PDE10A: variants seen among roughly 807,000 people sequenced by gnomAD.
PDE10A encodes phosphodiesterase 10A.
Under a neutral mutation model 97.7 loss-of-function variants are expected in PDE10A, and 39 were observed. The observed-to-expected ratio is 0.40, with a 90% CI of 0.31 to 0.52. The LOEUF is 0.52. PDE10A is among the 20% of genes least tolerant of loss of function. The probability of loss-of-function intolerance (pLI) is 0.56; values close to 1 mark genes in which losing one functional copy is unlikely to be tolerated. For missense variants in PDE10A, 731 were observed against 1,047.8 expected, an observed-to-expected ratio of 0.70 and a Z score of 4.17; for synonymous variants, 371 against 376.8, an observed-to-expected ratio of 0.98 and a Z score of 0.18.
chr6:165,404,292 T>C (rs1308544088), intron 13 of PDE10A, among the ~76,000 whole-genome samples: 1 of 152,092 alleles, frequency 6.6e-6, no homozygotes, highest in African/African-American at 2.4e-5. Flanking sequence ...GGGTGTGGCT[T>C]GAGGCTCCCG....
At chr6:165,641,412 A>G (rs1452005316) in intron 1 of PDE10A, among the ~76,000 whole-genome samples, 3 of 152,228 alleles carry the variant, frequency 2.0e-5, no homozygotes, top group East Asian at 1.9e-4. Flanking sequence ...GCACAACACT[A>G]TATCTAAGAA....
intron 5 of PDE10A, among the ~76,000 whole-genome samples, chr6:165,440,488 T>C (rs765399821): frequency 6.6e-6 from 1 of 152,200 alleles, no homozygotes; most frequent in Non-Finnish European, 1.5e-5. Flanking sequence ...AAAGACGTGT[T>C]GTATTACGGT....
chr6:165,555,757 T>TCAAAGATAC lies in PDE10A; in HGVS notation c.866-12198_866-12190dup, dbSNP rs1456630358. Among the ~76,000 whole-genome samples the TCAAAGATAC allele has an allele frequency of 3.9e-5, 6 of 152,118 alleles. No individual in the cohort carries two copies. The South Asian group carries it at 8.3e-4, about 21-fold the overall frequency. ...TGGAAGGTGTACCCACAAACTAACCTCAAAGATACCAAGACAGTCTAATGT... is the reference window on the plus strand; with the variant it reads ...TGGAAGGTGTACCCACAAACTAACCTCAAAGATACCAAAGATACCAAGACAGTCTAATGT... On this transcript the variant is annotated intron_variant, in intron 1 of 21. Coordinates refer to ENST00000539869, the MANE Select transcript of PDE10A (RefSeq NM_001385079.1).
intron 1 of PDE10A, among the ~76,000 whole-genome samples, chr6:165,764,495 C>CTCGCAGTG (rs1554318240): frequency 6.6e-6 from 1 of 151,292 alleles, no homozygotes; most frequent in African/African-American, 2.4e-5. Context: ...TGGACCCTCG[C>CTCGCAGTG]AGTGTTACAG....
chr6:165,504,277 C>T (rs1022192740), intron 2 of PDE10A, among the ~76,000 whole-genome samples: 52 of 152,176 alleles, frequency 3.4e-4, no homozygotes, highest in African/African-American at 1.2e-3. Context: ...TAGAGCTCAG[C>T]ATTATGATCT....
intron 1 of PDE10A, among the ~76,000 whole-genome samples, chr6:165,581,520 C>T (rs1038176809): frequency 5.3e-5 from 8 of 152,204 alleles, no homozygotes; most frequent in Non-Finnish European, 1.0e-4. Context: ...ACTGCATCAG[C>T]CAGCACCATG....
At chr6:165,730,626 G>A (rs1583005624) in intron 1 of PDE10A, among the ~76,000 whole-genome samples, 2 of 151,870 alleles carry the variant, frequency 1.3e-5, no homozygotes, top group South Asian at 4.2e-4. Flanking sequence ...GGTAGCGCAT[G>A]CCTCTAATCC....
chr6:165,775,602 G>T (rs1005301037), intron 1 of PDE10A: 1 of 152,128 alleles, frequency 6.6e-6, no homozygotes, highest in Non-Finnish European at 1.5e-5. Flanking sequence ...ATAATGCACC[G>T]CTTACATTTT....
At chr6:165,390,067 T>C (rs1462355256) in intron 16 of PDE10A, among the ~76,000 whole-genome samples, 1 of 152,156 alleles carries the variant, frequency 6.6e-6, no homozygotes, top group Non-Finnish European at 1.5e-5. Context: ...AATCACAATT[T>C]TTATTTTGAA....
chr6:165,557,380 C>G (rs889096645), intron 1 of PDE10A, among the ~76,000 whole-genome samples: 2 of 151,964 alleles, frequency 1.3e-5, no homozygotes, highest in Non-Finnish European at 2.9e-5. Flanking sequence ...TTAAAGAAAG[C>G]AAGAAGAATA....
chr6:165,958,747 G>GAAAGAA (rs10654760), intron 1 of PDE10A, among the ~76,000 whole-genome samples: 20,308 of 105,768 alleles, frequency 0.19, 2,716 homozygotes, highest in Non-Finnish European at 0.2. Context: ...AAGAAAGAAA[G>GAAAGAA]AGAAAGAAAG....
chr6:165,621,644 T>C (rs573208304), intron 1 of PDE10A, among the ~76,000 whole-genome samples: 133 of 152,148 alleles, frequency 8.7e-4, no homozygotes, highest in African/African-American at 3.1e-3. Flanking sequence ...CAGTCCCAGC[T>C]ACTTGGGAGG....
At chr6:165,874,236 C>T (rs999958095) in intron 1 of PDE10A, among the ~76,000 whole-genome samples, 1 of 152,120 alleles carries the variant, frequency 6.6e-6, no homozygotes, top group Non-Finnish European at 1.5e-5. Flanking sequence ...TTCATTAAAC[C>T]CTGTTTTTCA....
In PDE10A at chr6:165,586,335, A is replaced by G. The variant is rs113723706; in HGVS notation, c.866-42767T>C. On this transcript the variant is annotated intron_variant, in intron 1 of 21. Transcript: ENST00000539869. ...AATGAGATAGTACATGTTTCCATTAAGTTACTGCACAAGTAAAACTAGTTT... is the reference window on the plus strand; with the variant it reads ...AATGAGATAGTACATGTTTCCATTAGGTTACTGCACAAGTAAAACTAGTTT... Among the ~76,000 whole-genome samples the G allele has an allele frequency of 5.5e-3, 841 of 152,314 alleles. 3 individuals carry two copies. The highest frequency in any genetic ancestry group is 0.019 in the African/African-American group (781 of 41,560).
At chr6:165,944,801 T>G (rs922720243) in intron 1 of PDE10A, among the ~76,000 whole-genome samples, 1 of 152,194 alleles carries the variant, frequency 6.6e-6, no homozygotes, top group Non-Finnish European at 1.5e-5. Flanking sequence ...AATACTGCAG[T>G]AAATATGTCA....
intron 2 of PDE10A, among the ~76,000 whole-genome samples, chr6:165,508,213 A>T (rs914285668): frequency 2.0e-5 from 3 of 152,068 alleles, no homozygotes; most frequent in African/African-American, 7.2e-5. Context: ...CAGATCCATT[A>T]TAATCCCTGC....
intron 2 of PDE10A, among the ~76,000 whole-genome samples, chr6:165,524,081 T>A (rs1782287427): frequency 6.6e-6 from 1 of 152,194 alleles, no homozygotes; most frequent in Non-Finnish European, 1.5e-5. Context: ...CCCTGCAACA[T>A]CAGACTCCCA....
At chr6:165,797,887 T>G (rs1045856616) in intron 1 of PDE10A, among the ~76,000 whole-genome samples, 1 of 152,150 alleles carries the variant, frequency 6.6e-6, no homozygotes, top group African/African-American at 2.4e-5. Context: ...CATTATGAGT[T>G]TTTTTGTTGT....
chr6:165,385,877 T>C (rs757352803), intron 17 of PDE10A, among the ~76,000 whole-genome samples: 6 of 152,208 alleles, frequency 3.9e-5, no homozygotes, highest in Admixed American at 1.3e-4. Context: ...GGCAGTGCTT[T>C]TCATCTGAAT....
Sources: gnomAD v4.1 joint callset for allele counts (sites outside exome capture counted in the v4.1 genomes callset) on GRCh38, gnomAD v4.1.1 for gene constraint, MANE v1.5 for transcripts, NCBI Gene and HGNC (gene_info 2026-07-23, HGNC 2026-07-21) for gene names.